The following FRMD6 variants were observed in gnomAD, a reference collection of about 807,000 sequenced individuals.
The protein encoded by FRMD6 is FERM domain-containing protein 6.
In FRMD6, 37 loss-of-function variants were observed where a neutral mutation model predicts 73.2. The observed-to-expected ratio is 0.51, with a 90% CI of 0.39 to 0.66. The LOEUF (loss-of-function observed/expected upper bound fraction) is 0.66. Among genes scored for constraint, FRMD6 ranks in the 30% least tolerant of loss-of-function variants. The probability of loss-of-function intolerance (pLI) is 0.00; values close to 1 mark genes in which losing one functional copy is unlikely to be tolerated. For missense variants in FRMD6, 714 were observed against 780.5 expected, an observed-to-expected ratio of 0.91 and a Z score of 1.02; for synonymous variants, 273 against 282.2, an observed-to-expected ratio of 0.97 and a Z score of 0.33.
At chr14:51,492,628 T>TGAAAA (rs1210788493) in intron 1 of FRMD6, among the ~76,000 whole-genome samples, 132 of 152,306 alleles carry the variant, frequency 8.7e-4, no homozygotes, top group Admixed American at 8.2e-3. Context: ...AAAGAGTTTC[T>TGAAAA]CTCATTTTGA....
chr14:51,569,437 A>C (rs1049764544), intron 1 of FRMD6, among the ~76,000 whole-genome samples: 1 of 152,106 alleles, frequency 6.6e-6, no homozygotes, highest in Non-Finnish European at 1.5e-5. Context: ...TGTTTAGAAT[A>C]CTTTATTGTA....
At chr14:51,658,935 A>C (rs2140146873) in intron 1 of FRMD6, among the ~76,000 whole-genome samples, 1 of 152,332 alleles carries the variant, frequency 6.6e-6, no homozygotes, top group Middle Eastern at 3.4e-3. Flanking sequence ...TACCCGAATA[A>C]GATACTGCTT....
chr14:51,613,301 T>C (rs1189323824), intron 2 of FRMD6, among the ~76,000 whole-genome samples: 1 of 152,150 alleles, frequency 6.6e-6, no homozygotes, highest in Non-Finnish European at 1.5e-5. Flanking sequence ...TGATGGGTCT[T>C]AATGATTGTT....
At chr14:51,462,317 G>A in the FRMD6 span, among the ~76,000 whole-genome samples, 22 of 152,150 alleles carry the variant, frequency 1.4e-4, no homozygotes, top group African/African-American at 5.3e-4. Flanking sequence ...TGCCTCGGGG[G>A]GTTGTGAATA....
At chr14:51,484,192 T>C (rs975398335), upstream of FRMD6, among the ~76,000 whole-genome samples, 7 of 152,182 alleles carry the variant, frequency 4.6e-5, no homozygotes, top group Non-Finnish European at 1.0e-4. Context: ...TGGAAAGGCT[T>C]GGGTTGGGGG....
At chr14:51,667,619 C>A (rs1413491645) in intron 1 of FRMD6, among the ~76,000 whole-genome samples, 1 of 152,120 alleles carries the variant, frequency 6.6e-6, no homozygotes, top group Admixed American at 6.5e-5. Flanking sequence ...TTTCTGAAAT[C>A]TCTTTTGAGG....
rs144260193 is a variant in FRMD6 at position 51,626,181 on chromosome 14, G to A, written c.-147+55771G>A. Among the ~76,000 whole-genome samples the A allele has an allele frequency of 5.9e-5, 9 of 152,324 alleles. No individual in the cohort carries two copies. The East Asian group carries it at 1.7e-3, about 29-fold the overall frequency. ...CGACCACATCCTTTGCAGGGACATG[G>A]ATGGAGCTGGAGGCCATGATCCATA... On this transcript the variant is annotated intron_variant, in intron 2 of 14. Transcript: ENST00000356218.
chr14:51,507,417 T>C (rs1454744631), intron 1 of FRMD6, among the ~76,000 whole-genome samples: 1 of 152,098 alleles, frequency 6.6e-6, no homozygotes, highest in Admixed American at 6.5e-5. Flanking sequence ...GCCTTTTCTG[T>C]TAATATCCAA....
chr14:51,657,660 A>C (rs562197367), intron 1 of FRMD6, among the ~76,000 whole-genome samples: 2 of 152,320 alleles, frequency 1.3e-5, no homozygotes. Flanking sequence ...TGGCTCTAAA[A>C]AATGTTGAGC....
intron 1 of FRMD6, among the ~76,000 whole-genome samples, chr14:51,557,013 A>G (rs534898331): frequency 6.6e-6 from 1 of 152,294 alleles, no homozygotes; most frequent in South Asian, 2.1e-4. Flanking sequence ...TAAACTGGGC[A>G]TGGTGGTATG....
At chr14:51,500,163 G>A (rs1244840257) in intron 1 of FRMD6, among the ~76,000 whole-genome samples, 1 of 152,164 alleles carries the variant, frequency 6.6e-6, no homozygotes, top group African/African-American at 2.4e-5. Flanking sequence ...AAGCGTTTTG[G>A]CAGTTACATA....
intron 1 of FRMD6, among the ~76,000 whole-genome samples, chr14:51,671,389 T>A (rs1261197495): frequency 2.0e-5 from 3 of 152,200 alleles, no homozygotes; most frequent in Non-Finnish European, 4.4e-5. Flanking sequence ...TGTCATAAAA[T>A]TTTTAACTAA....
the FRMD6 span, among the ~76,000 whole-genome samples, chr14:51,443,722 A>G: frequency 6.6e-6 from 1 of 152,176 alleles, no homozygotes; most frequent in African/African-American, 2.4e-5. Context: ...GAGAAATCGT[A>G]CAAAAGATCT....
intron 1 of FRMD6, among the ~76,000 whole-genome samples, chr14:51,509,475 G>T (rs935307562): frequency 6.6e-6 from 1 of 151,864 alleles, no homozygotes; most frequent in Non-Finnish European, 1.5e-5. Context: ...TGCAGTGAGC[G>T]GAGATTGCGC....
chr14:51,463,617 C>T, the FRMD6 span, among the ~76,000 whole-genome samples: 4 of 152,218 alleles, frequency 2.6e-5, no homozygotes, highest in African/African-American at 7.2e-5. Flanking sequence ...AGGCCAGAAC[C>T]TCTTAGGAAC....
intron 1 of FRMD6, among the ~76,000 whole-genome samples, chr14:51,681,374 T>G (rs1894785773): frequency 6.6e-6 from 1 of 152,234 alleles, no homozygotes; most frequent in Admixed American, 6.5e-5. Context: ...AAGCCAGTTA[T>G]GTTTCTTGCT....
intron 1 of FRMD6, among the ~76,000 whole-genome samples, chr14:51,530,993 G>C (rs962062832): frequency 6.6e-6 from 1 of 152,180 alleles, no homozygotes; most frequent in Non-Finnish European, 1.5e-5. Context: ...TCTGGTGAGG[G>C]TTTTCTTCCT....
chr14:51,641,692 C>G (rs1295956014), intron 2 of FRMD6, among the ~76,000 whole-genome samples: 4 of 152,158 alleles, frequency 2.6e-5, no homozygotes, highest in Admixed American at 2.6e-4. Context: ...CCCTGACTCA[C>G]AGGGCACCTC....
chr14:51,594,699 G>T (rs1476254678), intron 2 of FRMD6, among the ~76,000 whole-genome samples: 1 of 152,114 alleles, frequency 6.6e-6, no homozygotes, highest in African/African-American at 2.4e-5. Flanking sequence ...TTGACCTTAG[G>T]CGATCCACCT....
Sources: gnomAD v4.1 joint callset for allele counts (sites outside exome capture counted in the v4.1 genomes callset) on GRCh38, gnomAD v4.1.1 for gene constraint, MANE v1.5 for transcripts, NCBI Gene and HGNC (gene_info 2026-07-23, HGNC 2026-07-21) for gene names.